ST6GALNAC5: variants seen among roughly 807,000 people sequenced by gnomAD.
The protein encoded by ST6GALNAC5 is ST6 N-acetylgalactosaminide alpha-2,6-sialyltransferase 5, also known as alpha-N-acetylgalactosaminide alpha-2,6-sialyltransferase 5.
ST6GALNAC5 carries 27 observed loss-of-function variants against 33.6 expected under a neutral mutation model. The observed-to-expected ratio is 0.80, with a 90% confidence interval of 0.59 to 1.11. The LOEUF is 1.11. Among genes scored for constraint, ST6GALNAC5 ranks in the 50% least tolerant of loss-of-function variants. The probability of loss-of-function intolerance (pLI) is 0.00; values close to 1 mark genes in which losing one functional copy is unlikely to be tolerated. For synonymous variants in ST6GALNAC5, 194 were observed against 171.2 expected (o/e 1.13, Z -1.04); for missense variants, 428 against 454.0 (o/e 0.94, Z 0.52).
chr1:77,065,915 G>C lies in ST6GALNAC5; in HGVS notation c.*2709G>C, dbSNP rs748711108. 1.3e-5 allele frequency among the ~76,000 whole-genome samples: 2 copies of C among 152,136 alleles called. No individual in the cohort carries two copies. The highest frequency in any genetic ancestry group is 4.8e-5 in the African/African-American group (2 of 41,432). On this transcript the variant is annotated 3_prime_UTR_variant, in exon 5 of 5. Coordinates refer to ENST00000477717, the MANE Select transcript of ST6GALNAC5 (RefSeq NM_030965.3). ...CTGTTATTTCAACACAAGAACATTTGGCAGAGGCCATTACAATAGATAGCC... is the reference window on the plus strand; with the variant it reads ...CTGTTATTTCAACACAAGAACATTTCGCAGAGGCCATTACAATAGATAGCC...
intron 2 of ST6GALNAC5, among the ~76,000 whole-genome samples, chr1:76,976,446 A>T (rs1474456749): frequency 1.3e-5 from 2 of 152,190 alleles, no homozygotes; most frequent in East Asian, 3.9e-4. Context: ...GAACTTGAAG[A>T]TTTCCATTAT....
intron 2 of ST6GALNAC5, among the ~76,000 whole-genome samples, chr1:76,913,085 C>T (rs1646931108): frequency 6.6e-6 from 1 of 152,072 alleles, no homozygotes; most frequent in Non-Finnish European, 1.5e-5. Context: ...TTTAGTGCCT[C>T]CTTCAGGAGC....
rs1025943334 is a variant in ST6GALNAC5 at position 76,961,164 on chromosome 1, A to G, written c.262-83040A>G. Among the ~76,000 whole-genome samples the G allele has an allele frequency of 4.6e-5, 7 of 152,192 alleles. 1 individual carries two copies. The highest frequency in any genetic ancestry group is 1.9e-4 in the East Asian group (1 of 5,200). ...TCTTCACAATCCATGTTCTTCTGCC[A>G]TGGCTTCAGCCGGTCCCTCCATTCG... On this transcript the variant is annotated intron_variant, in intron 2 of 4. Coordinates refer to ENST00000477717, the MANE Select transcript of ST6GALNAC5 (RefSeq NM_030965.3).
At position 76,868,358 on chromosome 1, in the gene ST6GALNAC5, T is replaced by G. The variant is rs923029070; in HGVS notation, c.16-139T>G. 3 of 1,305,140 alleles carry G rather than the reference T, an allele frequency of 2.3e-6. No individual in the cohort carries two copies. Among genetic ancestry groups the G allele is most frequent in the African/African-American group, 1.5e-5 (1 of 65,112 alleles). 80.8% of individuals were successfully genotyped at this position (1,305,140 alleles called of 1,614,324 possible). ...GGGACGGTGCTTTCTCTGTCCCAGTTGCGTGCGGCGGGGCTGGGGCCCAGG... is the reference window on the plus strand; with the variant it reads ...GGGACGGTGCTTTCTCTGTCCCAGTGGCGTGCGGCGGGGCTGGGGCCCAGG... On this transcript the variant is annotated intron_variant, in intron 1 of 4. Transcript: ENST00000477717. The surrounding 1 kb of genome is among the most constrained non-coding windows in gnomAD (Gnocchi z 4.3).
intron 2 of ST6GALNAC5, among the ~76,000 whole-genome samples, chr1:76,938,782 T>C (rs987226887): frequency 3.9e-5 from 6 of 152,170 alleles, no homozygotes; most frequent in African/African-American, 1.4e-4. Context: ...CTATTTCTGC[T>C]GTGACACAGC....
At chr1:77,053,935 C>T (rs190240488) in intron 4 of ST6GALNAC5, among the ~76,000 whole-genome samples, 260 of 152,328 alleles carry the variant, frequency 1.7e-3, no homozygotes, top group Middle Eastern at 3.4e-3. Context: ...CAATGAAGAG[C>T]TAGCCACGTG....
intron 2 of ST6GALNAC5, among the ~76,000 whole-genome samples, chr1:76,911,517 G>A (rs1646911167): frequency 6.6e-6 from 1 of 152,094 alleles, no homozygotes; most frequent in Admixed American, 6.5e-5. Flanking sequence ...CAGAAGAAAT[G>A]GTACCAGTTC....
rs764999551 is a variant in ST6GALNAC5 at position 77,063,224 on chromosome 1, C to G, written c.*18C>G. ...TGTTCTAAGGAATGAGCATGCCAGACTGTAATCCCAGGTATTCACTGCATC... is the reference window on the plus strand; with the variant it reads ...TGTTCTAAGGAATGAGCATGCCAGAGTGTAATCCCAGGTATTCACTGCATC... On this transcript the variant is annotated 3_prime_UTR_variant, in exon 5 of 5. Coordinates refer to ENST00000477717, the MANE Select transcript of ST6GALNAC5 (RefSeq NM_030965.3). 1 of 1,606,976 alleles carries G rather than the reference C, an allele frequency of 6.2e-7. No individual in the cohort carries two copies.
At chr1:77,028,311 G>T (rs1159762169) in intron 2 of ST6GALNAC5, among the ~76,000 whole-genome samples, 2 of 152,128 alleles carry the variant, frequency 1.3e-5, no homozygotes, top group South Asian at 2.1e-4. Context: ...AGCAAATCAG[G>T]TTCCCACAAT....
chr1:76,937,747 A>G (rs1417469760), intron 2 of ST6GALNAC5, among the ~76,000 whole-genome samples: 1 of 152,062 alleles, frequency 6.6e-6, no homozygotes, highest in Non-Finnish European at 1.5e-5. Context: ...TGAAAGAAAC[A>G]CTTTTCTTTT....
At chr1:77,024,805 A>G (rs1651173946) in intron 2 of ST6GALNAC5, among the ~76,000 whole-genome samples, 1 of 152,170 alleles carries the variant, frequency 6.6e-6, no homozygotes, top group South Asian at 2.1e-4. Context: ...CCTGCTCTGG[A>G]GCAAACCAAG....
chr1:76,930,850 C>CTA (rs1647132881), intron 2 of ST6GALNAC5, among the ~76,000 whole-genome samples: 1 of 152,070 alleles, frequency 6.6e-6, no homozygotes, highest in Non-Finnish European at 1.5e-5. Flanking sequence ...TTTATGAAGC[C>CTA]TATATATAAA....
chr1:77,016,898 G>T (rs1650871639), intron 2 of ST6GALNAC5, among the ~76,000 whole-genome samples: 2 of 152,156 alleles, frequency 1.3e-5, no homozygotes, highest in South Asian at 4.2e-4. Context: ...AATTATTTGA[G>T]AAATGATGTG....
chr1:77,017,670 T>C (rs1284482565), intron 2 of ST6GALNAC5, among the ~76,000 whole-genome samples: 5 of 152,234 alleles, frequency 3.3e-5, no homozygotes, highest in Non-Finnish European at 7.3e-5. Flanking sequence ...AAGGTTTGTG[T>C]CCTTATGTTG....
chr1:77,020,199 G>A lies in ST6GALNAC5; in HGVS notation c.262-24005G>A, dbSNP rs112376826. Among the ~76,000 whole-genome samples, 263 of 152,264 alleles carry A rather than the reference G, an allele frequency of 1.7e-3. 6 individuals carry two copies. Among genetic ancestry groups the A allele is most frequent in the Non-Finnish European group, 2.3e-3 (159 of 68,014 alleles). On this transcript the variant is annotated intron_variant, in intron 2 of 4. Transcript: ENST00000477717. The stretch of plus-strand genomic sequence containing the variant: ...TTTATGAGGTATATGAAGATAACAA[G>A]CATGCTTTTGAGGGGATTCTTGTGT...
intron 2 of ST6GALNAC5, among the ~76,000 whole-genome samples, chr1:76,876,454 T>G (rs1190462236): frequency 6.6e-6 from 1 of 152,216 alleles, no homozygotes; most frequent in Non-Finnish European, 1.5e-5. Flanking sequence ...AATCCTCCTC[T>G]GCTGAAGTCA....
chr1:77,001,918 C>T (rs1461644561), intron 2 of ST6GALNAC5, among the ~76,000 whole-genome samples: 1 of 151,990 alleles, frequency 6.6e-6, no homozygotes, highest in Non-Finnish European at 1.5e-5. Context: ...ATTTTTGCAT[C>T]AATGTTCATC....
At chr1:77,021,391 C>A (rs1381234147) in intron 2 of ST6GALNAC5, among the ~76,000 whole-genome samples, 1 of 152,014 alleles carries the variant, frequency 6.6e-6, no homozygotes, top group Non-Finnish European at 1.5e-5. Context: ...CTTATAGAAC[C>A]CTCTGGAATT....
At chr1:77,034,171 C>T (rs995853597) in intron 2 of ST6GALNAC5, among the ~76,000 whole-genome samples, 1 of 152,074 alleles carries the variant, frequency 6.6e-6, no homozygotes, top group African/African-American at 2.4e-5. Flanking sequence ...GTTGGCACAG[C>T]GCTTGTTCCC....
Sources: gnomAD v4.1 joint callset for allele counts (sites outside exome capture counted in the v4.1 genomes callset) on GRCh38, gnomAD v4.1.1 for gene constraint, Gnocchi (gnomAD v3.1) non-coding constraint, MANE v1.5 for transcripts, NCBI Gene and HGNC (gene_info 2026-07-23, HGNC 2026-07-21) for gene names.